Variants in PCDHGB4 observed in about 807,000 individuals in gnomAD.
PCDHGB4 encodes the protein protocadherin gamma subfamily B, 4.
In PCDHGB4, 38 loss-of-function variants were observed where a neutral mutation model predicts 60.5. That is an observed-to-expected ratio of 0.63 (90% CI 0.48 to 0.82). The LOEUF (loss-of-function observed/expected upper bound fraction) is 0.82. PCDHGB4 is among the 40% of genes least tolerant of loss of function. PCDHGB4 has a pLI of 0.00. For missense variants in PCDHGB4, 1,109 were observed against 1,209.6 expected (o/e 0.92, Z 1.23); for synonymous variants, 456 against 509.7 (o/e 0.89, Z 1.42).
At chr5:141,500,223 T>TATTG (rs1554186512) in intron 2 of PCDHGB4, among the ~76,000 whole-genome samples, 5 of 145,410 alleles carry the variant, frequency 3.4e-5, no homozygotes, top group African/African-American at 5.2e-5. Context: ...TTTATTTATT[T>TATTG]ATTGATACGT....
rs762574320 is a variant in PCDHGB4, at chr5:141,485,926, G to T, written c.2398-8881G>T. 2.5e-6 allele frequency: 4 copies of T among 1,614,090 alleles called. No individual in the cohort carries two copies. The highest frequency in any genetic ancestry group is 3.4e-6 in the Non-Finnish European group (4 of 1,180,052). On this transcript the variant is annotated intron_variant, in intron 1 of 3. Transcript: ENST00000519479. This position sits in a 1 kb window ranked among gnomAD's most constrained non-coding sequence, Gnocchi z 5.7. Reference sequence around the variant, plus strand: ...AGCAATCCAGCTACAGGATTAGTGTGTTGGAGAGCGCACCAGCGGGCATGG... The same window carrying T: ...AGCAATCCAGCTACAGGATTAGTGTTTTGGAGAGCGCACCAGCGGGCATGG...
chr5:141,399,853 C>G, intron 1 of PCDHGB4: 1 of 1,612,978 alleles, frequency 6.2e-7, no homozygotes, highest in Non-Finnish European at 8.5e-7. Flanking sequence ...TATGGTGCCG[C>G]GCGCTGCAGA....
At chr5:141,472,176 G>C (rs1416695177) in intron 1 of PCDHGB4, among the ~76,000 whole-genome samples, 3 of 152,144 alleles carry the variant, frequency 2.0e-5, no homozygotes, top group Non-Finnish European at 2.9e-5. Context: ...GTAATATCCA[G>C]TATTGGAATT....
At chr5:141,399,834 G>A (rs375768001) in intron 1 of PCDHGB4, 3 of 1,613,004 alleles carry the variant, frequency 1.9e-6, no homozygotes, top group African/African-American at 2.7e-5. Flanking sequence ...ACGGCTCTGC[G>A]CTCTTCGATA....
Position 141,476,790 on chromosome 5 carries a change from C to T in PCDHGB4, c.2398-18017C>T. ...TTGGACGGAGGGACCCCAGCTCTCT[C>T]CGCCAGCCTGCCTATTCACATCAAG... On this transcript the variant is annotated intron_variant, in intron 1 of 3. Coordinates refer to ENST00000519479, the MANE Select transcript of PCDHGB4 (RefSeq NM_003736.4). This position sits in a 1 kb window ranked among gnomAD's most constrained non-coding sequence, Gnocchi z 7.6. 1 of 1,613,606 alleles carries T rather than the reference C, an allele frequency of 6.2e-7. No homozygotes were observed. Among genetic ancestry groups the T allele is most frequent in the South Asian group, 1.1e-5 (1 of 91,084 alleles).
intron 1 of PCDHGB4, among the ~76,000 whole-genome samples, chr5:141,492,632 C>T (rs1359761285): frequency 1.3e-5 from 2 of 152,256 alleles, no homozygotes; most frequent in Admixed American, 1.3e-4. Context: ...CAGGACTCTA[C>T]GATCCTTGGG....
intron 1 of PCDHGB4, among the ~76,000 whole-genome samples, chr5:141,492,586 G>C (rs1451055991): frequency 6.6e-6 from 1 of 152,220 alleles, no homozygotes; most frequent in Admixed American, 6.5e-5. Context: ...GGGGCCAGGA[G>C]CGCTGGAGCG....
chr5:141,389,933 G>T lies in PCDHGB4; in HGVS notation c.2049G>T (p.Gln683His). Residue 683 changes from glutamine (Q) to histidine (H), a missense_variant, in exon 1 of 4, where the codon CAG (glutamine) becomes CAT (histidine). Physicochemically the swap from Gln to His is conservative, Grantham distance 24. Transcript: ENST00000519479. Reference protein sequence around the residue: ...ITDRPDPSDLQAELQFYLVVA... With the variant: ...ITDRPDPSDLHAELQFYLVVA... ...ACCGCCCCGACCCCTCTGACCTCCA[G>T]GCTGAGCTGCAGTTTTACCTAGTGG... The T allele has an allele frequency of 1.9e-6, 3 of 1,614,068 alleles. No individual in the cohort carries two copies. Among genetic ancestry groups the T allele is most frequent in the Non-Finnish European group, 2.5e-6 (3 of 1,179,892 alleles).
In PCDHGB4 at chr5:141,487,153, T is replaced by C; in HGVS notation, c.2398-7654T>C. The stretch of plus-strand genomic sequence containing the variant: ...GTCCACCACTCTCTACCTCTGTTAC[T>C]CTCTTAGTGTCCTTAGAGGAAGACA... On this transcript the variant is annotated intron_variant, in intron 1 of 3. Coordinates refer to ENST00000519479, the MANE Select transcript of PCDHGB4 (RefSeq NM_003736.4). This position sits in a 1 kb window ranked among gnomAD's most constrained non-coding sequence, Gnocchi z 5.0. 3 of 1,613,954 alleles carry C rather than the reference T, an allele frequency of 1.9e-6. No individual in the cohort carries two copies. Among genetic ancestry groups the C allele is most frequent in the Non-Finnish European group, 2.5e-6 (3 of 1,179,838 alleles).
intron 1 of PCDHGB4, among the ~76,000 whole-genome samples, chr5:141,483,322 G>C (rs1325809962): frequency 1.3e-5 from 2 of 152,110 alleles, no homozygotes. Flanking sequence ...TGGGACTGGA[G>C]GCAAAGAGAT....
At chr5:141,470,139 A>AT (rs146570937) in intron 1 of PCDHGB4, among the ~76,000 whole-genome samples, 7,047 of 152,316 alleles carry the variant, frequency 0.046, 200 homozygotes, top group Middle Eastern at 0.092. Flanking sequence ...AAAAAAAAAG[A>AT]TCATAGATCA....
At chr5:141,410,886 C>A in intron 1 of PCDHGB4, 1 of 290,056 alleles carries the variant, frequency 3.4e-6, no homozygotes, top group Non-Finnish European at 5.6e-6. Flanking sequence ...TGGAGTCTCG[C>A]ACTGTTGCCT....
At chr5:141,404,108 A>G (rs537875169) in intron 1 of PCDHGB4, 22 of 1,613,436 alleles carry the variant, frequency 1.4e-5, no homozygotes, top group South Asian at 6.6e-5. Context: ...TGTCTGTTCT[A>G]TCCAGGAGAA....
chr5:141,409,087 T>C (rs753624565), intron 1 of PCDHGB4: 1 of 1,613,990 alleles, frequency 6.2e-7, no homozygotes, highest in Admixed American at 1.7e-5. Flanking sequence ...TCTCATTGGA[T>C]GAGAAAACAG....
At chr5:141,504,980 G>A (rs113323355) in intron 2 of PCDHGB4, among the ~76,000 whole-genome samples, 174 of 152,196 alleles carry the variant, frequency 1.1e-3, no homozygotes, top group African/African-American at 3.9e-3. Context: ...TGGCCAACAT[G>A]GTGAAACCCC....
chr5:141,423,157 G>A (rs527921011), intron 1 of PCDHGB4: 1 of 1,610,820 alleles, frequency 6.2e-7, no homozygotes, highest in Non-Finnish European at 8.5e-7. Flanking sequence ...GCAGAGCCTC[G>A]TGGTGGCCGT....
At chr5:141,506,252 C>T (rs1158047426) in intron 3 of PCDHGB4, among the ~76,000 whole-genome samples, 1 of 151,968 alleles carries the variant, frequency 6.6e-6, no homozygotes, top group African/African-American at 2.4e-5. Flanking sequence ...AGTTCGAAAC[C>T]GGCCTGGCCA....
At position 141,422,880 on chromosome 5, in the gene PCDHGB4, G is replaced by C. The variant is rs970045921; in HGVS notation, c.2397+32599G>C. The C allele has an allele frequency of 7.4e-6, 12 of 1,614,140 alleles. No individual in the cohort carries two copies. In the Admixed American group the frequency reaches 2.0e-4, roughly 27 times the overall value. ...TCAGCAGCAACGTGTCGCTGAGCCT[G>C]TTCGTGCTGGACCAGAACGACAATG... On this transcript the variant is annotated intron_variant, in intron 1 of 3. Coordinates refer to ENST00000519479, the MANE Select transcript of PCDHGB4 (RefSeq NM_003736.4).
chr5:141,393,434 T>C (rs1554093883), intron 1 of PCDHGB4: 5 of 1,613,902 alleles, frequency 3.1e-6, no homozygotes, highest in South Asian at 1.1e-5. Flanking sequence ...AAGAGGCTGC[T>C]CACCACCTGG....
Sources: gnomAD v4.1 joint callset for allele counts (sites outside exome capture counted in the v4.1 genomes callset) on GRCh38, gnomAD v4.1.1 for gene constraint, Gnocchi (gnomAD v3.1) non-coding constraint, MANE v1.5 for transcripts, NCBI Gene and HGNC (gene_info 2026-07-23, HGNC 2026-07-21) for gene names.